ABI3BP: variants seen among roughly 807,000 people sequenced by gnomAD.
ABI3BP encodes target of Nesh-SH3.
ABI3BP carries 216 observed loss-of-function variants against 268.6 expected under a neutral mutation model. The observed-to-expected ratio is 0.80, with a 90% CI of 0.72 to 0.90. ABI3BP has a LOEUF of 0.90. Among genes scored for constraint, ABI3BP ranks in the 40% least tolerant of loss-of-function variants. The pLI is 0.00. For missense variants in ABI3BP, 2,090 were observed against 2,182.4 expected, an observed-to-expected ratio of 0.96 and a Z score of 0.84; for synonymous variants, 730 against 730.0, an observed-to-expected ratio of 1.00 and a Z score of 0.00.
chr3:100,913,371 A>C (rs140086686), intron 2 of ABI3BP, among the ~76,000 whole-genome samples: 34 of 152,362 alleles, frequency 2.2e-4, no homozygotes, highest in Middle Eastern at 6.8e-3. Flanking sequence ...ATCCATGATA[A>C]TTAAGTGACC....
chr3:100,876,665 G>C, intron 6 of ABI3BP, 105 bp from the exon 7 acceptor site: 1 of 995,474 alleles, frequency 1.0e-6, no homozygotes, highest in Non-Finnish European at 1.6e-6. Flanking sequence ...CTTCAATGAA[G>C]TCTCCTGTGA....
Position 100,756,908 on chromosome 3 carries a change from CAA to C in ABI3BP, c.4851-2219_4851-2218del, listed in dbSNP as rs543454366. 6.5e-3 allele frequency among the ~76,000 whole-genome samples: 975 copies of C among 150,790 alleles called. 8 individuals are homozygous for C. Among genetic ancestry groups the C allele is most frequent in the African/African-American group, 0.022 (884 of 41,108 alleles). The stretch of plus-strand genomic sequence containing the variant: ...TTTGGCCTGATTAAACCCTATATAA[CAA>C]AAATTATTTGTGTTGGTAAAATTTT... On this transcript the variant is annotated intron_variant, in intron 63 of 67. Transcript: ENST00000471714.
In ABI3BP at chr3:100,848,845, G is replaced by A. The variant is rs780386031; in HGVS notation, c.1532C>T (p.Thr511Ile). Residue 511 changes from threonine (T) to isoleucine (I), a missense_variant, in exon 18 of 68, where the codon ACA becomes ATA. Coordinates refer to ENST00000471714, the MANE Select transcript of ABI3BP (RefSeq NM_001375547.2). ...APQQTTSIPS[T>I]PKRRPRPKPP... Reference sequence around the variant, plus strand: ...TTTGGGCCGGGGGCGTCGTTTAGGTGTAGAAGGGATAGATGTAGTTTGCTG... The same window carrying A: ...TTTGGGCCGGGGGCGTCGTTTAGGTATAGAAGGGATAGATGTAGTTTGCTG... The A allele has an allele frequency of 3.7e-6, 6 of 1,613,372 alleles. No individual in the cohort carries two copies. The South Asian group carries it at 4.4e-5, about 12-fold the overall frequency.
chr3:100,800,771 G>A (rs960236796), intron 51 of ABI3BP, among the ~76,000 whole-genome samples: 5 of 152,250 alleles, frequency 3.3e-5, no homozygotes, highest in Admixed American at 3.3e-4. Flanking sequence ...GAGCCACCAC[G>A]CCCAGCCTGG....
In ABI3BP at chr3:100,775,257, A is replaced by G. The variant is rs946059973; in HGVS notation, c.4412T>C (p.Ile1471Thr). 5.6e-6 allele frequency: 9 copies of G among 1,611,152 alleles called. No homozygotes were observed. Among genetic ancestry groups the G allele is most frequent in the East Asian group, 2.2e-5 (1 of 44,784 alleles). The change falls in exon 60 of 68, where the codon ATA becomes ACA. Residue 1471 changes from isoleucine to threonine, a missense_variant. Ile to Thr is a moderately conservative substitution (Grantham distance 89). Coordinates refer to ENST00000471714, the MANE Select transcript of ABI3BP (RefSeq NM_001375547.2). ...TGTTGGTTGCTTTATATCTGTCTCT[A>G]TTCTCTCCAAGGGAGTTCCAGTAGG... ...PRPTGTPLER[I>T]ETDIKQPTVP...
rs1268229335 is a variant in ABI3BP, at chr3:100,902,651, C to A, written c.295G>T (p.Ala99Ser). ...EPKYLIVVRP[A>S]PPPSQKKSCS... ...GACTTCTTTTGACTTGGAGGTGGAG[C>A]AGGTCGCACAACTATCAGATATTTC... The change falls in exon 3 of 68, where the codon GCT (alanine) becomes TCT (serine). Residue 99 changes from alanine (A) to serine (S), a missense_variant. Coordinates refer to ENST00000471714, the MANE Select transcript of ABI3BP (RefSeq NM_001375547.2). The A allele has an allele frequency of 1.2e-6, 2 of 1,613,778 alleles. No homozygotes were observed. The highest frequency in any genetic ancestry group is 1.7e-5 in the Admixed American group (1 of 60,002).
At chr3:100,832,216 AC>A (rs2098505572) in intron 31 of ABI3BP, 47 bp downstream of exon 31, 6 of 1,501,486 alleles carry the variant, frequency 4.0e-6, no homozygotes, top group African/African-American at 1.4e-5. Flanking sequence ...TACAGTCCCA[AC>A]CGTGGTAGAC....
At chr3:100,847,818 G>C in intron 18 of ABI3BP, 145 bp from the exon 19 acceptor site, 1 of 697,784 alleles carries the variant, frequency 1.4e-6, no homozygotes, top group Non-Finnish European at 2.5e-6. Context: ...AGGAAGAATT[G>C]TTAAACTGTC....
At position 100,817,552 on chromosome 3, in the gene ABI3BP, G is replaced by GTTAAA. The variant is rs565988805; in HGVS notation, c.3089-58_3089-57insTTTAA. 264 of 1,290,656 alleles carry GTTAAA rather than the reference G, an allele frequency of 2.0e-4. 1 individual carries two copies. In the African/African-American group the frequency reaches 3.4e-3, roughly 17 times the overall value. 80.0% of individuals were successfully genotyped at this position (1,290,656 alleles called of 1,614,324 possible). On this transcript the variant is annotated intron_variant, in intron 41 of 67. Transcript: ENST00000471714. ...ATTTAACTTGAATATTAATTTCACA[G>GTTAAA]TTCAATTTTTAAGCTTCAGAACTTA...
intron 63 of ABI3BP, among the ~76,000 whole-genome samples, chr3:100,760,892 T>A (rs11716883): frequency 0.26 from 39,040 of 151,774 alleles, 5,556 homozygotes; most frequent in East Asian, 0.52. Flanking sequence ...GTTTTTTTTT[T>A]AAATTTTCAT....
At chr3:100,830,147 A>G (rs1404769191) in intron 32 of ABI3BP, among the ~76,000 whole-genome samples, 120 of 62,402 alleles carry the variant, frequency 1.9e-3, no homozygotes, top group Non-Finnish European at 3.2e-3. Flanking sequence ...ATATATATAT[A>G]TATATATATA....
intron 61 of ABI3BP, 68 bp from the exon 62 acceptor site, chr3:100,771,020 T>A: frequency 8.4e-7 from 1 of 1,195,984 alleles, no homozygotes; most frequent in Non-Finnish European, 1.1e-6. Context: ...AGTGAGCTCA[T>A]AAATATAATT....
At chr3:100,822,793 T>C in intron 37 of ABI3BP, 121 bp from the exon 38 acceptor site, 6 of 751,362 alleles carry the variant, frequency 8.0e-6, no homozygotes, top group South Asian at 1.8e-5. Context: ...TTCGAGATTT[T>C]TGTCACATGC....
intron 1 of ABI3BP, among the ~76,000 whole-genome samples, chr3:100,962,000 C>A (rs1437892779): frequency 1.3e-5 from 2 of 152,182 alleles, no homozygotes; most frequent in African/African-American, 4.8e-5. Context: ...TTCATGGCAC[C>A]TGGCTCCAAG....
chr3:100,823,417 T>C, intron 37 of ABI3BP, 41 bp downstream of exon 37: 3 of 1,481,420 alleles, frequency 2.0e-6, no homozygotes, highest in Non-Finnish European at 2.7e-6. Flanking sequence ...GGTTTGACAA[T>C]AAGCAAAAGA....
At chr3:100,926,151 A>T in intron 2 of ABI3BP, 151 bp downstream of exon 2, 1 of 780,518 alleles carries the variant, frequency 1.3e-6, no homozygotes, top group Non-Finnish European at 2.0e-6. Flanking sequence ...GCTATGAGTT[A>T]CAACAATTAT....
intron 63 of ABI3BP, among the ~76,000 whole-genome samples, chr3:100,759,608 T>G (rs1003834868): frequency 2.0e-5 from 3 of 152,198 alleles, no homozygotes; most frequent in African/African-American, 4.8e-5. Context: ...GTGGTACTGT[T>G]ATCACTTTCT....
At chr3:100,960,986 C>G (rs886790969) in intron 1 of ABI3BP, among the ~76,000 whole-genome samples, 1 of 152,184 alleles carries the variant, frequency 6.6e-6, no homozygotes, top group Non-Finnish European at 1.5e-5. Flanking sequence ...GACTTCTGAC[C>G]TACAGAGCTG....
intron 14 of ABI3BP, among the ~76,000 whole-genome samples, chr3:100,861,776 A>G (rs58395235): frequency 0.057 from 8,730 of 152,172 alleles, 724 homozygotes; most frequent in African/African-American, 0.18. Flanking sequence ...TAGCCATCAC[A>G]TGGTTACTAG....
Sources: gnomAD v4.1 joint callset for allele counts (sites outside exome capture counted in the v4.1 genomes callset) on GRCh38, gnomAD v4.1.1 for gene constraint, MANE v1.5 for transcripts, NCBI Gene and HGNC (gene_info 2026-07-23, HGNC 2026-07-21) for gene names.